The following BCL2L12 variants were observed in gnomAD, a reference collection of about 807,000 sequenced individuals.
BCL2L12 encodes the protein BCL2 like 12.
BCL2L12 carries 27 observed loss-of-function variants against 25.7 expected under a neutral mutation model. That is an observed-to-expected ratio of 1.05 (90% CI 0.78 to 1.45). The LOEUF (loss-of-function observed/expected upper bound fraction) is 1.45. BCL2L12 is among the 40% of genes most tolerant of loss of function. BCL2L12 has a pLI of 0.00. For synonymous variants in BCL2L12, 132 were observed against 145.6 expected (o/e 0.91, Z 0.67); for missense variants, 302 against 329.8 (o/e 0.92, Z 0.65).
chr19:49,665,273 A>G (rs2081624604), upstream of BCL2L12: 1 of 179,480 alleles, frequency 5.6e-6, no homozygotes, highest in Admixed American at 5.6e-5. Context: ...CCCCTACAGA[A>G]GATCTCCCAA....
chr19:49,670,330 T>C lies in BCL2L12; in HGVS notation c.544T>C (p.Cys182Arg), dbSNP rs1176889698. Reference protein sequence around the residue: ...RDDSSRPSRACPGPPPPSPEP... With the variant: ...RDDSSRPSRARPGPPPPSPEP... ...TGACAGCTCTCGCCCAAGCCGAGCA[T>C]GCCCCGGGCCCCCGCCTCCTTCCCC... is the stretch of plus-strand genomic sequence containing the variant. Residue 182 changes from cysteine (C) to arginine (R), a missense_variant, in exon 6 of 7, where the codon TGC (cysteine) becomes CGC (arginine). Physicochemically the swap from Cys to Arg is radical, Grantham distance 180. Transcript: ENST00000246784. The C allele has an allele frequency of 6.2e-7, 1 of 1,603,676 alleles. No homozygotes were observed. The highest frequency in any genetic ancestry group is 2.2e-5 in the East Asian group (1 of 44,528).
intron 5 of BCL2L12, 93 bp downstream of exon 5, chr19:49,669,208 T>C: frequency 6.5e-7 from 1 of 1,538,092 alleles, no homozygotes. Context: ...TTTCTTTGGA[T>C]GGTCAGGTGG....
chr19:49,667,261 C>A (rs1292469384), intron 3 of BCL2L12, 100 bp downstream of exon 3: 2 of 1,499,036 alleles, frequency 1.3e-6, no homozygotes, highest in Non-Finnish European at 1.8e-6. Flanking sequence ...GAGTCTCTAG[C>A]ACCAGCCTTC....
intron 5 of BCL2L12, 21 bp from the exon 6 acceptor site, chr19:49,670,195 C>A: frequency 6.3e-7 from 1 of 1,597,280 alleles, no homozygotes; most frequent in Non-Finnish European, 8.5e-7. Flanking sequence ...TGACGCGGAC[C>A]CTGCCTCTTC....
chr19:49,665,949 C>A lies in BCL2L12; in HGVS notation c.-127C>A, dbSNP rs148185263. The A allele has an allele frequency of 1.9e-6, 3 of 1,613,602 alleles. No individual in the cohort carries two copies. The highest frequency in any genetic ancestry group is 2.5e-6 in the Non-Finnish European group (3 of 1,179,776). Reference sequence around the variant, plus strand: ...GCGTTCCGCCCTTTCTACGCTGGGCCGGTTATCGACCCGGCCCAGTGCGCA... The same window carrying A: ...GCGTTCCGCCCTTTCTACGCTGGGCAGGTTATCGACCCGGCCCAGTGCGCA... On this transcript the variant is annotated 5_prime_UTR_variant, in exon 1 of 7. Transcript: ENST00000246784.
At position 49,673,724 on chromosome 19, in the gene BCL2L12, G is replaced by A; in HGVS notation, c.729G>A (p.Val243=). 3.1e-6 allele frequency: 5 copies of A among 1,614,106 alleles called. No homozygotes were observed. Among genetic ancestry groups the A allele is most frequent in the Non-Finnish European group, 4.2e-6 (5 of 1,180,000 alleles). The change falls in exon 7 of 7, where the codon GTG becomes GTA. Residue 243 remains valine, a synonymous_variant. Coordinates refer to ENST00000246784, the MANE Select transcript of BCL2L12 (RefSeq NM_138639.2). The part of the protein sequence containing the change: ...GWEGILAVSP[V]DLNLPLD ...AGGGCATCCTGGCTGTTTCACCCGTGGACTTGAACTTGCCATTGGACTGAG... is the reference window on the plus strand; with the variant it reads ...AGGGCATCCTGGCTGTTTCACCCGTAGACTTGAACTTGCCATTGGACTGAG...
chr19:49,673,811 C>T lies in BCL2L12; in HGVS notation c.*63C>T. 3 of 1,588,720 alleles carry T rather than the reference C, an allele frequency of 1.9e-6. No individual in the cohort carries two copies. The highest frequency in any genetic ancestry group is 2.6e-6 in the Non-Finnish European group (3 of 1,157,784). Reference sequence around the variant, plus strand: ...GTCCCTGCCCTCTTCGTGTGCTTTTCCAAGTCTTCCTATTCCACTCAGGGC... The same window carrying T: ...GTCCCTGCCCTCTTCGTGTGCTTTTTCAAGTCTTCCTATTCCACTCAGGGC... On this transcript the variant is annotated 3_prime_UTR_variant, in exon 7 of 7. Coordinates refer to ENST00000246784, the MANE Select transcript of BCL2L12 (RefSeq NM_138639.2).
chr19:49,668,390 C>T lies in BCL2L12; in HGVS notation c.251-461C>T, dbSNP rs186704366. ...ATGGGATTACAGGCGTGAGCCACTG[C>T]GCCTGGCCCCAGCTCTGACATTCTA... On this transcript the variant is annotated intron_variant, in intron 3 of 6. Transcript: ENST00000246784. Among the ~76,000 whole-genome samples the T allele has an allele frequency of 3.5e-3, 537 of 152,206 alleles. 4 individuals carry two copies. Among genetic ancestry groups the T allele is most frequent in the Non-Finnish European group, 2.9e-3 (199 of 68,018 alleles).
At chr19:49,666,954 T>C in intron 2 of BCL2L12, 65 bp from the exon 3 acceptor site, 1 of 1,575,200 alleles carries the variant, frequency 6.3e-7, no homozygotes, top group Non-Finnish European at 8.6e-7. Context: ...AGGGAGGGAG[T>C]TGGGGAAAGA....
intron 6 of BCL2L12, 85 bp downstream of exon 6, chr19:49,670,573 TCTCAGAC>T: frequency 2.0e-6 from 3 of 1,477,166 alleles, no homozygotes. Context: ...CTTAGGTTCC[TCTCAGAC>T]CTCAGGTATT....
chr19:49,673,626 G>A, intron 6 of BCL2L12, 72 bp from the exon 7 acceptor site: 1 of 1,267,092 alleles, frequency 7.9e-7, no homozygotes, highest in Non-Finnish European at 1.2e-6. Flanking sequence ...ATCTCACAGG[G>A]CTGATGTGGA....
intron 6 of BCL2L12, 123 bp downstream of exon 6, chr19:49,670,611 G>A: frequency 1.5e-6 from 2 of 1,320,574 alleles, no homozygotes; most frequent in African/African-American, 1.5e-5. Context: ...CACTGCGTTC[G>A]TTCTGTTGAG....
intron 5 of BCL2L12, among the ~76,000 whole-genome samples, chr19:49,669,726 G>T (rs1191801932): frequency 6.6e-6 from 1 of 151,910 alleles, no homozygotes; most frequent in Non-Finnish European, 1.5e-5. Context: ...TGGGGGTGGG[G>T]GGAGTGGCTA....
At chr19:49,669,220 AAG>A in intron 5 of BCL2L12, 105 bp downstream of exon 5, 3 of 1,518,482 alleles carry the variant, frequency 2.0e-6, no homozygotes, top group Middle Eastern at 4.1e-4. Context: ...GTCAGGTGGA[AAG>A]AGGCTGGGAC....
rs1039820751 is a variant in BCL2L12, at chr19:49,668,879, G to C, written c.279G>C (p.Leu93Phe). 2 of 1,613,294 alleles carry C rather than the reference G, an allele frequency of 1.2e-6. No individual in the cohort carries two copies. Among genetic ancestry groups the C allele is most frequent in the Admixed American group, 1.7e-5 (1 of 59,986 alleles). Reference sequence around the variant, plus strand: ...CAGCTACTCCAGACTTCTATGCTTTGGTGGCCCAGCGGCTGGAACAGCTGG... The same window carrying C: ...CAGCTACTCCAGACTTCTATGCTTTCGTGGCCCAGCGGCTGGAACAGCTGG... ...PGPATPDFYALVAQRLEQLVQ... is the reference protein window; with the variant it reads ...PGPATPDFYAFVAQRLEQLVQ... The change falls in exon 4 of 7, where the codon TTG becomes TTC. Residue 93 changes from leucine to phenylalanine, a missense_variant. Coordinates refer to ENST00000246784, the MANE Select transcript of BCL2L12 (RefSeq NM_138639.2).
intron 5 of BCL2L12, among the ~76,000 whole-genome samples, 200 bp from the exon 6 acceptor site, chr19:49,670,016 G>A (rs2081920373): frequency 6.6e-6 from 1 of 152,176 alleles, no homozygotes; most frequent in African/African-American, 2.4e-5. Context: ...ATGGCTTAGG[G>A]ACTCACGTTC....
upstream of BCL2L12, chr19:49,665,736 A>T: frequency 2.0e-6 from 3 of 1,488,252 alleles, no homozygotes; most frequent in Non-Finnish European, 2.7e-6. Flanking sequence ...CCGTCAGCTG[A>T]GCTCTAGAGC....
chr19:49,672,602 G>A lies in BCL2L12; in HGVS notation c.703-1096G>A, dbSNP rs1271591801. 6.6e-6 allele frequency among the ~76,000 whole-genome samples: 1 copy of A among 152,184 alleles called. No individual in the cohort carries two copies. Among genetic ancestry groups the A allele is most frequent in the African/African-American group, 2.4e-5 (1 of 41,436 alleles). On this transcript the variant is annotated intron_variant, in intron 6 of 6. Transcript: ENST00000246784. This position sits in a 1 kb window ranked among gnomAD's most constrained non-coding sequence, Gnocchi z 4.1. ...AGTGGATCTCACCCAAGTCGGGGGCGGTGGAGAATGCTGGATTTAACTTAG... is the reference window on the plus strand; with the variant it reads ...AGTGGATCTCACCCAAGTCGGGGGCAGTGGAGAATGCTGGATTTAACTTAG...
chr19:49,672,579 T>C lies in BCL2L12; in HGVS notation c.703-1119T>C, dbSNP rs973181300. 1.3e-5 allele frequency among the ~76,000 whole-genome samples: 2 copies of C among 151,356 alleles called. No individual in the cohort carries two copies. The highest frequency in any genetic ancestry group is 6.6e-5 in the Admixed American group (1 of 15,172). ...AGTAGGGGCACAGGGAGGAGGTGAG[T>C]GGATCTCACCCAAGTCGGGGGCGGT... On this transcript the variant is annotated intron_variant, in intron 6 of 6. Coordinates refer to ENST00000246784, the MANE Select transcript of BCL2L12 (RefSeq NM_138639.2). This position sits in a 1 kb window ranked among gnomAD's most constrained non-coding sequence, Gnocchi z 4.1.
Sources: gnomAD v4.1 joint callset for allele counts (sites outside exome capture counted in the v4.1 genomes callset) on GRCh38, gnomAD v4.1.1 for gene constraint, Gnocchi (gnomAD v3.1) non-coding constraint, MANE v1.5 for transcripts, NCBI Gene and HGNC (gene_info 2026-07-23, HGNC 2026-07-21) for gene names.